The following KHDRBS2 variants were observed in gnomAD, a reference collection of about 807,000 sequenced individuals.
KHDRBS2 encodes the protein KH RNA binding domain containing, signal transduction associated 2.
In KHDRBS2, 26 loss-of-function variants were observed where a neutral mutation model predicts 44.3. The observed-to-expected ratio is 0.59, with a 90% CI of 0.43 to 0.81. The LOEUF (loss-of-function observed/expected upper bound fraction) is 0.81, where lower values mean the gene tolerates loss of function less well. Among genes scored for constraint, KHDRBS2 ranks in the 40% least tolerant of loss-of-function variants. The pLI is 0.00. For missense variants in KHDRBS2, 476 were observed against 433.1 expected, an observed-to-expected ratio of 1.10 and a Z score of -0.88; for synonymous variants, 194 against 151.1, an observed-to-expected ratio of 1.28 and a Z score of -2.08.
intron 1 of KHDRBS2, among the ~76,000 whole-genome samples, chr6:62,202,063 C>T (rs1012581871): frequency 4.6e-5 from 7 of 152,050 alleles, no homozygotes; most frequent in East Asian, 3.9e-4. Flanking sequence ...GCATATAATA[C>T]GTGAAAATAA....
intron 1 of KHDRBS2, among the ~76,000 whole-genome samples, chr6:62,267,295 C>T (rs1839365079): frequency 6.6e-6 from 1 of 152,024 alleles, no homozygotes; most frequent in Admixed American, 6.6e-5. Flanking sequence ...CCTCACTGTT[C>T]TGTTCTGTCT....
chr6:62,156,323 A>T lies in KHDRBS2; in HGVS notation c.219+20862T>A, dbSNP rs541948122. Among the ~76,000 whole-genome samples, 74 of 152,314 alleles carry T rather than the reference A, an allele frequency of 4.9e-4. 2 individuals are homozygous for T. The South Asian group carries it at 9.1e-3, about 19-fold the overall frequency. ...TATTTTTTATTAACCAAAAACTTTT[A>T]TGTTAATACTCAATTTCAGAGAGAA... On this transcript the variant is annotated intron_variant, in intron 2 of 8. Transcript: ENST00000281156.
intron 6 of KHDRBS2, among the ~76,000 whole-genome samples, chr6:61,874,778 G>A (rs1389353104): frequency 3.3e-5 from 5 of 151,976 alleles, no homozygotes; most frequent in Middle Eastern, 3.2e-3. Context: ...CACCCATCCC[G>A]GTGTCAGTAA....
intron 2 of KHDRBS2, among the ~76,000 whole-genome samples, chr6:62,154,098 A>G (rs1815844891): frequency 6.6e-6 from 1 of 152,170 alleles, no homozygotes; most frequent in Admixed American, 6.5e-5. Context: ...CAAAATGGGG[A>G]AAGCCAAGGA....
intron 1 of KHDRBS2, among the ~76,000 whole-genome samples, chr6:62,215,407 C>A (rs1464482762): frequency 2.0e-5 from 3 of 151,680 alleles, no homozygotes; most frequent in Non-Finnish European, 4.4e-5. Flanking sequence ...GATTACTCAG[C>A]TCCTTCCTCC....
chr6:61,628,877 T>A, the KHDRBS2 span, among the ~76,000 whole-genome samples: 1 of 152,332 alleles, frequency 6.6e-6, no homozygotes, highest in East Asian at 1.9e-4. Flanking sequence ...CAAATATAAC[T>A]TTTTGTGATC....
chr6:61,724,523 G>C (rs553831232), intron 7 of KHDRBS2, among the ~76,000 whole-genome samples: 68 of 152,220 alleles, frequency 4.5e-4, no homozygotes, highest in African/African-American at 1.6e-3. Flanking sequence ...TGGCAAGCTG[G>C]ATAAAGAGCC....
intron 4 of KHDRBS2, among the ~76,000 whole-genome samples, chr6:61,902,036 G>A (rs1435858122): frequency 2.0e-5 from 3 of 151,974 alleles, no homozygotes; most frequent in Non-Finnish European, 4.4e-5. Context: ...GCTCACTGCC[G>A]CCTCCGCTTC....
At chr6:61,954,967 C>G (rs1277998278) in intron 4 of KHDRBS2, among the ~76,000 whole-genome samples, 2 of 129,968 alleles carry the variant, frequency 1.5e-5, no homozygotes, top group African/African-American at 2.9e-5. Context: ...TGTATATATA[C>G]GCATACATAT....
chr6:62,264,056 A>G (rs1427773773), intron 1 of KHDRBS2, among the ~76,000 whole-genome samples: 1 of 151,732 alleles, frequency 6.6e-6, no homozygotes, highest in Non-Finnish European at 1.5e-5. Context: ...ATTATTTCTC[A>G]TTTGACGTCA....
the KHDRBS2 span, among the ~76,000 whole-genome samples, chr6:61,610,743 T>C: frequency 3.0e-3 from 458 of 152,348 alleles, 4 homozygotes; most frequent in African/African-American, 0.011. Flanking sequence ...TCTAAGACAG[T>C]GTTTTTAAAA....
At position 62,186,773 on chromosome 6, in the gene KHDRBS2, G is replaced by T. The variant is rs146291516; in HGVS notation, c.92-9461C>A. ...GTTAAAGATTTATTTATTTTTAACT[G>T]TGTTGAGACTCAGACACAAATTCTT... is the stretch of plus-strand genomic sequence containing the variant. On this transcript the variant is annotated intron_variant, in intron 1 of 8. Coordinates refer to ENST00000281156, the MANE Select transcript of KHDRBS2 (RefSeq NM_152688.4). Among the ~76,000 whole-genome samples the T allele has an allele frequency of 3.2e-3, 486 of 152,144 alleles. 1 individual carries two copies. Among genetic ancestry groups the T allele is most frequent in the Non-Finnish European group, 5.4e-3 (368 of 67,964 alleles).
intron 6 of KHDRBS2, among the ~76,000 whole-genome samples, chr6:61,806,468 C>T (rs760638288): frequency 2.0e-5 from 3 of 152,060 alleles, no homozygotes; most frequent in Non-Finnish European, 4.4e-5. Flanking sequence ...ACTTCAACCA[C>T]GTGAAGGATT....
chr6:61,673,116 T>C, the KHDRBS2 span, among the ~76,000 whole-genome samples: 1 of 151,926 alleles, frequency 6.6e-6, no homozygotes, highest in African/African-American at 2.4e-5. Flanking sequence ...CCTTCCCCCA[T>C]TGCTTGTTTT....
chr6:61,705,649 T>A (rs1404296996), intron 7 of KHDRBS2, among the ~76,000 whole-genome samples: 1 of 151,842 alleles, frequency 6.6e-6, no homozygotes, highest in African/African-American at 2.4e-5. Context: ...TACAGTATGA[T>A]CTTGAGCTGA....
intron 2 of KHDRBS2, among the ~76,000 whole-genome samples, chr6:62,175,729 C>T (rs1161000426): frequency 2.0e-5 from 3 of 151,450 alleles, no homozygotes; most frequent in Admixed American, 6.6e-5. Context: ...CAAAATAAAA[C>T]TTCACACAAA....
At chr6:61,974,583 G>T (rs1772116480) in intron 4 of KHDRBS2, among the ~76,000 whole-genome samples, 1 of 151,626 alleles carries the variant, frequency 6.6e-6, no homozygotes, top group African/African-American at 2.4e-5. Flanking sequence ...TTTAAAATTA[G>T]CCATGTTCAA....
chr6:62,171,118 A>C (rs1454471200), intron 2 of KHDRBS2, among the ~76,000 whole-genome samples: 3 of 152,158 alleles, frequency 2.0e-5, no homozygotes, highest in African/African-American at 7.2e-5. Flanking sequence ...GTTCTTAACC[A>C]GGCTGAACTG....
the KHDRBS2 span, among the ~76,000 whole-genome samples, chr6:61,575,488 A>G: frequency 6.6e-6 from 1 of 152,208 alleles, no homozygotes; most frequent in African/African-American, 2.4e-5. Context: ...TAAAAAGCAA[A>G]CACTTTTACA....
Sources: allele counts gnomAD v4.1 joint callset (sites outside exome capture counted in the v4.1 genomes callset), GRCh38; gene constraint gnomAD v4.1.1; transcripts MANE v1.5; gene names NCBI Gene and HGNC (gene_info 2026-07-23, HGNC 2026-07-21).